Variants in TENM1 observed in about 807,000 individuals in gnomAD.
TENM1 encodes teneurin-1.
In TENM1, 35 loss-of-function variants were observed where a neutral mutation model predicts 174.8. The ratio of observed to expected loss-of-function variants is 0.20; its 90% CI spans 0.15 to 0.27. The LOEUF (loss-of-function observed/expected upper bound fraction) is 0.27, where lower values mean the gene tolerates loss of function less well. Among genes scored for constraint, TENM1 ranks in the 10% least tolerant of loss-of-function variants. The pLI is 1.00. For missense variants in TENM1, 1,633 were observed against 2,130.1 expected (o/e 0.77, Z 4.59); for synonymous variants, 781 against 798.7 (o/e 0.98, Z 0.37).
chrX:125,006,168 C>G, the TENM1 span, among the ~76,000 whole-genome samples: 5 of 111,804 alleles, frequency 4.5e-5, no homozygotes, highest in Admixed American at 4.7e-4. Flanking sequence ...CTGGGGCAAT[C>G]GAGTTTGGTA....
At chrX:124,790,210 C>T (rs1239869832) in intron 3 of TENM1, among the ~76,000 whole-genome samples, 1 of 111,847 alleles carries the variant, frequency 8.9e-6, no homozygotes, top group African/African-American at 3.3e-5. Context: ...AGGTTCCTCC[C>T]ACAACACATG....
the TENM1 span, among the ~76,000 whole-genome samples, chrX:125,096,817 G>T: frequency 9.1e-6 from 1 of 109,630 alleles, no homozygotes; most frequent in African/African-American, 3.3e-5. Context: ...AATTCCCCAT[G>T]ACACCTGGAC....
chrX:124,673,515 G>A (rs1428405303), intron 5 of TENM1, among the ~76,000 whole-genome samples: 1 of 111,610 alleles, frequency 9.0e-6, no homozygotes. Flanking sequence ...TAGTAGTATG[G>A]AGAAGAATGA....
chrX:125,190,208 T>C, the TENM1 span, among the ~76,000 whole-genome samples: 1 of 112,200 alleles, frequency 8.9e-6, no homozygotes, highest in African/African-American at 3.2e-5. Context: ...GTTTACATTA[T>C]TGGCTGAAGC....
Position 124,565,203 on chromosome X carries a change from C to T in TENM1, c.2263+172G>A, listed in dbSNP as rs971996563. Among the ~76,000 whole-genome samples the T allele has an allele frequency of 2.7e-5, 3 of 111,715 alleles. No homozygotes were observed. The East Asian group carries it at 8.4e-4, about 31-fold the overall frequency. On this transcript the variant is annotated intron_variant, in intron 12 of 31. Transcript: ENST00000422452. Reference sequence around the variant, plus strand: ...ACACAAGAAATACGTAGAATGTCATCGACAAAAGAAGAAACCTACCAGTTC... The same window carrying T: ...ACACAAGAAATACGTAGAATGTCATTGACAAAAGAAGAAACCTACCAGTTC...
chrX:124,763,188 A>G (rs1211771208), intron 3 of TENM1, among the ~76,000 whole-genome samples: 1 of 111,061 alleles, frequency 9.0e-6, no homozygotes, highest in African/African-American at 3.3e-5. Context: ...CTAGTCTACA[A>G]GGTTTCACAG....
At chrX:124,905,597 T>C (rs1321563788) in intron 1 of TENM1, among the ~76,000 whole-genome samples, 2 of 111,466 alleles carry the variant, frequency 1.8e-5, no homozygotes, top group African/African-American at 3.3e-5. Context: ...AGAAACAAAT[T>C]AGGTAAACCC....
intron 11 of TENM1, among the ~76,000 whole-genome samples, chrX:124,640,735 C>A (rs1016423526): frequency 9.1e-6 from 1 of 110,459 alleles, no homozygotes; most frequent in Admixed American, 9.6e-5. Flanking sequence ...CCAAGGCAGG[C>A]GGATCACGAG....
chrX:124,755,302 G>T (rs2054200681), intron 3 of TENM1, among the ~76,000 whole-genome samples: 1 of 110,532 alleles, frequency 9.0e-6, no homozygotes, highest in Non-Finnish European at 1.9e-5. Flanking sequence ...CAGAGACTAG[G>T]ATGGCAATCC....
intron 3 of TENM1, among the ~76,000 whole-genome samples, chrX:124,853,942 G>A (rs948031093): frequency 4.5e-5 from 5 of 111,011 alleles, no homozygotes; most frequent in African/African-American, 6.5e-5. Context: ...ATGAGTTCAC[G>A]GTTGAAATAG....
the TENM1 span, among the ~76,000 whole-genome samples, chrX:125,052,217 G>A: frequency 2.0e-4 from 22 of 111,414 alleles, no homozygotes; most frequent in East Asian, 4.0e-3. Context: ...CCATGGGGGC[G>A]TTTAATGTGC....
the TENM1 span, among the ~76,000 whole-genome samples, chrX:125,032,605 T>TA: frequency 9.9e-4 from 111 of 111,666 alleles, 2 homozygotes; most frequent in East Asian, 0.021. Flanking sequence ...TACTACTACC[T>TA]ATTCAAACAT....
At chrX:124,432,403 ATTTGTTTG>A (rs759097276) in intron 23 of TENM1, among the ~76,000 whole-genome samples, 32 of 109,606 alleles carry the variant, frequency 2.9e-4, no homozygotes, top group Admixed American at 1.7e-3. Context: ...TTATTTATTT[ATTTGTTTG>A]TTTGTTTGTT....
chrX:124,966,431 G>A (rs1387782816), upstream of TENM1, among the ~76,000 whole-genome samples: 1 of 111,166 alleles, frequency 9.0e-6, no homozygotes, highest in African/African-American at 3.3e-5. Flanking sequence ...GGGAGGCCGA[G>A]GCGGGCGGAT....
chrX:124,553,543 T>C (rs1243475254), intron 14 of TENM1, among the ~76,000 whole-genome samples: 1 of 104,301 alleles, frequency 9.6e-6, no homozygotes, highest in East Asian at 3.0e-4. Context: ...TTTCTAACTA[T>C]CTTTTTGCAC....
the TENM1 span, among the ~76,000 whole-genome samples, chrX:125,150,443 C>T: frequency 1.8e-5 from 2 of 111,809 alleles, no homozygotes; most frequent in Non-Finnish European, 3.8e-5. Context: ...TGTTGTGAGA[C>T]AGCTGGCCTG....
In TENM1 at chrX:124,546,992, G is replaced by A; in HGVS notation, c.2533C>T (p.Gln845Ter). 1 of 1,211,393 alleles carries A rather than the reference G, an allele frequency of 8.3e-7. No individual in the cohort carries two copies. Among genetic ancestry groups the A allele is most frequent in the Non-Finnish European group, 1.1e-6 (1 of 894,970 alleles). Residue 845 changes from glutamine to a stop codon, truncating the protein, a stop_gained, in exon 15 of 32, where the codon CAG (glutamine) becomes TAG (stop). Transcript: ENST00000422452. LOFTEE classifies it high-confidence loss of function. ...TGAGAGAAGAGAGTTTGGCTTTGCT[G>A]AATGAGGTCAAGAGGATCTGGTGAG...
chrX:125,067,021 T>G, the TENM1 span, among the ~76,000 whole-genome samples: 1 of 111,109 alleles, frequency 9.0e-6, no homozygotes, highest in African/African-American at 3.3e-5. Flanking sequence ...TGCTTAGGAG[T>G]GAAGTTCAGA....
chrX:124,931,012 G>A (rs2147715842), intron 1 of TENM1, among the ~76,000 whole-genome samples: 1 of 111,556 alleles, frequency 9.0e-6, no homozygotes, highest in South Asian at 3.8e-4. Context: ...AGCCAAGCAT[G>A]TGGCGACTGG....
Sources: gnomAD v4.1 joint callset for allele counts (sites outside exome capture counted in the v4.1 genomes callset) on GRCh38, gnomAD v4.1.1 for gene constraint, MANE v1.5 for transcripts, NCBI Gene and HGNC (gene_info 2026-07-23, HGNC 2026-07-21) for gene names.